Variants in ZMAT4 observed in about 807,000 individuals in gnomAD.
ZMAT4 encodes the protein zinc finger matrin-type protein 4.
Under a neutral mutation model 28.7 loss-of-function variants are expected in ZMAT4, and 17 were observed. The observed-to-expected ratio is 0.59, with a 90% CI of 0.41 to 0.89. ZMAT4 has a LOEUF of 0.89. Among genes scored for constraint, ZMAT4 ranks in the 40% least tolerant of loss-of-function variants. ZMAT4 has a pLI of 0.00. For missense variants in ZMAT4, 240 were observed against 283.8 expected (o/e 0.85, Z 1.11); for synonymous variants, 117 against 109.2 (o/e 1.07, Z -0.44).
intron 2 of ZMAT4, among the ~76,000 whole-genome samples, chr8:40,805,331 A>C (rs2150590888): frequency 6.8e-6 from 1 of 146,434 alleles, no homozygotes; most frequent in East Asian, 2.0e-4. Context: ...ACACTTTTAC[A>C]CTGTTGGTGG....
intron 5 of ZMAT4, among the ~76,000 whole-genome samples, chr8:40,644,202 A>C (rs1230996825): frequency 6.6e-6 from 1 of 152,166 alleles, no homozygotes; most frequent in Non-Finnish European, 1.5e-5. Flanking sequence ...ATTTGATTAG[A>C]TGGAATAAAA....
At chr8:40,840,238 G>A (rs191264769) in intron 1 of ZMAT4, among the ~76,000 whole-genome samples, 5 of 152,206 alleles carry the variant, frequency 3.3e-5, no homozygotes, top group African/African-American at 9.6e-5. Context: ...ACACTCCTCC[G>A]GGGCACCCAT....
intron 5 of ZMAT4, among the ~76,000 whole-genome samples, chr8:40,616,494 C>T (rs1443497578): frequency 6.6e-6 from 1 of 152,156 alleles, no homozygotes; most frequent in Non-Finnish European, 1.5e-5. Context: ...CCCAAATGCC[C>T]ATCAATGATA....
At position 40,602,987 on chromosome 8, in the gene ZMAT4, G is replaced by C. The variant is rs138974487; in HGVS notation, c.578-21726C>G. On this transcript the variant is annotated intron_variant, in intron 5 of 6. Transcript: ENST00000297737. The stretch of plus-strand genomic sequence containing the variant: ...TCTTGGTCATGAACTCTTTGTCCAA[G>C]CCAATGTCTGGAAGAGTTTATCTCA... Among the ~76,000 whole-genome samples the C allele has an allele frequency of 7.2e-5, 11 of 152,236 alleles. No individual in the cohort carries two copies. The East Asian group carries it at 2.1e-3, about 29-fold the overall frequency.
chr8:40,856,670 T>C (rs186808542), intron 1 of ZMAT4, among the ~76,000 whole-genome samples: 2 of 152,290 alleles, frequency 1.3e-5, no homozygotes, highest in Admixed American at 1.3e-4. Context: ...ATAAAGGATG[T>C]CATATTTCCC....
chr8:40,680,225 C>T (rs1377060740), intron 4 of ZMAT4, among the ~76,000 whole-genome samples: 1 of 152,112 alleles, frequency 6.6e-6, no homozygotes, highest in African/African-American at 2.4e-5. Flanking sequence ...AAACAGGAAA[C>T]CTTTTACTCT....
chr8:40,720,355 G>T (rs1025391105), intron 3 of ZMAT4, among the ~76,000 whole-genome samples: 6 of 151,934 alleles, frequency 3.9e-5, no homozygotes, highest in African/African-American at 9.7e-5. Context: ...CTTTATTGTG[G>T]CTCTGGATGA....
chr8:40,854,944 C>T (rs1817243535), intron 1 of ZMAT4, among the ~76,000 whole-genome samples: 1 of 152,156 alleles, frequency 6.6e-6, no homozygotes, highest in South Asian at 2.1e-4. Flanking sequence ...CACACACACA[C>T]ACGCAGAAAA....
chr8:40,770,473 A>T (rs1813341470), intron 2 of ZMAT4, among the ~76,000 whole-genome samples: 1 of 150,752 alleles, frequency 6.6e-6, no homozygotes, highest in Admixed American at 6.6e-5. Flanking sequence ...CCTGCCAGGG[A>T]GCCCCCTCCT....
chr8:40,756,457 T>TATAC lies in ZMAT4; in HGVS notation c.192+11183_192+11184insGTAT, dbSNP rs1278110013. ...ATATATATATATATATATATATATA[T>TATAC]ACACACTTGTATACCTGAAAAAGAG... On this transcript the variant is annotated intron_variant, in intron 3 of 6. Transcript: ENST00000297737. 1.8e-3 allele frequency among the ~76,000 whole-genome samples: 206 copies of TATAC among 113,286 alleles called. 4 individuals are homozygous for TATAC. Among genetic ancestry groups the TATAC allele is most frequent in the South Asian group, 9.8e-3 (31 of 3,158 alleles). The allele number at this position is 113,286 out of a possible 152,430, so 74.3% of individuals were successfully genotyped here. A position where few individuals can be genotyped will look rare whatever the true frequency, so the allele number is the denominator to read the frequency against.
intron 6 of ZMAT4, among the ~76,000 whole-genome samples, chr8:40,541,999 G>A (rs1157998417): frequency 6.6e-6 from 1 of 152,224 alleles, no homozygotes; most frequent in Non-Finnish European, 1.5e-5. Context: ...GAGTGGGACT[G>A]AAGGATGGAG....
intron 6 of ZMAT4, among the ~76,000 whole-genome samples, chr8:40,535,721 A>T (rs1167963631): frequency 6.6e-6 from 1 of 152,170 alleles, no homozygotes; most frequent in Non-Finnish European, 1.5e-5. Flanking sequence ...GATATTAACA[A>T]TATGGAGGAA....
rs184644309 is a variant in ZMAT4 at position 40,617,627 on chromosome 8, A to G, written c.578-36366T>C. Among the ~76,000 whole-genome samples, 191 of 152,348 alleles carry G rather than the reference A, an allele frequency of 1.3e-3. No homozygotes were observed. The South Asian group carries it at 0.017, about 13-fold the overall frequency. The stretch of plus-strand genomic sequence containing the variant: ...GGATCAGTTGAATATTCTTTGAGCA[A>G]ATATCTGTAAATGCCCTCTTTGGTT... On this transcript the variant is annotated intron_variant, in intron 5 of 6. Transcript: ENST00000297737.
In ZMAT4 at chr8:40,756,624, AGTGTGTGTGTGTGTGTGTGT is replaced by A. The variant is rs58686349; in HGVS notation, c.192+10997_192+11016del. 2.1e-3 allele frequency among the ~76,000 whole-genome samples: 298 copies of A among 139,564 alleles called. 1 individual carries two copies. The highest frequency in any genetic ancestry group is 3.6e-3 in the Middle Eastern group (1 of 280). 91.6% of individuals were successfully genotyped at this position (139,564 alleles called of 152,430 possible). On this transcript the variant is annotated intron_variant, in intron 3 of 6. Transcript: ENST00000297737. Reference sequence around the variant, plus strand: ...GCATCTGTTCGGGTTTATGTTTGTAAGTGTGTGTGTGTGTGTGTGTGTGTGTGTGTGTGTGTGTGTGTGTA... The same window carrying A: ...GCATCTGTTCGGGTTTATGTTTGTAAGTGTGTGTGTGTGTGTGTGTGTGTA...
In ZMAT4 at chr8:40,540,267, C is replaced by G. The variant is rs796643086; in HGVS notation, c.675-8029G>C. On this transcript the variant is annotated intron_variant, in intron 6 of 6. Transcript: ENST00000297737. ...TGTGTGGAACCTGGGATTCAAGCTG[C>G]GGGCAGGAAGTGCACCAGCAGGGAC... 2.0e-5 allele frequency among the ~76,000 whole-genome samples: 3 copies of G among 152,272 alleles called. 1 individual carries two copies. Among genetic ancestry groups the G allele is most frequent in the African/African-American group, 7.2e-5 (3 of 41,564 alleles).
rs558189323 is a variant in ZMAT4, at chr8:40,552,957, C to T, written c.675-20719G>A. 5.3e-5 allele frequency among the ~76,000 whole-genome samples: 8 copies of T among 152,236 alleles called. No homozygotes were observed. The South Asian group carries it at 8.3e-4, about 16-fold the overall frequency. On this transcript the variant is annotated intron_variant, in intron 6 of 6. Transcript: ENST00000297737. ...TGTTCCATTATTGGAAAGCTAAGCA[C>T]GTGGGAGTTATTTATATCCTGCTGC...
chr8:40,756,330 G>T (rs1016588360), intron 3 of ZMAT4, among the ~76,000 whole-genome samples: 1 of 150,226 alleles, frequency 6.7e-6, no homozygotes, highest in East Asian at 2.0e-4. Flanking sequence ...CAGTGTAGAC[G>T]AATACAGCTT....
At chr8:40,758,861 C>T (rs1007320472) in intron 3 of ZMAT4, among the ~76,000 whole-genome samples, 1 of 152,100 alleles carries the variant, frequency 6.6e-6, no homozygotes, top group Non-Finnish European at 1.5e-5. Context: ...GGAAAGGACA[C>T]TAGACATTCA....
intron 5 of ZMAT4, among the ~76,000 whole-genome samples, chr8:40,606,483 T>C (rs1563363256): frequency 6.6e-6 from 1 of 152,236 alleles, no homozygotes; most frequent in Non-Finnish European, 1.5e-5. Context: ...AATTATTTTG[T>C]TTAAGGAGGC....
Sources: allele counts gnomAD v4.1 joint callset (sites outside exome capture counted in the v4.1 genomes callset), GRCh38; gene constraint gnomAD v4.1.1; transcripts MANE v1.5; gene names NCBI Gene and HGNC (gene_info 2026-07-23, HGNC 2026-07-21).